LYPD6B: variants seen among roughly 807,000 people sequenced by gnomAD.
LYPD6B encodes the protein ly6/PLAUR domain-containing protein 6B.
LYPD6B carries 17 observed loss-of-function variants against 22.8 expected under a neutral mutation model. The ratio of observed to expected loss-of-function variants is 0.75; its 90% CI spans 0.51 to 1.12. The LOEUF is 1.12. Among genes scored for constraint, LYPD6B ranks in the 50% most tolerant of loss-of-function variants. LYPD6B has a pLI of 0.00. For missense variants in LYPD6B, 221 were observed against 258.3 expected, an observed-to-expected ratio of 0.86 and a Z score of 0.99; for synonymous variants, 106 against 91.6, an observed-to-expected ratio of 1.16 and a Z score of -0.90.
intron 1 of LYPD6B, among the ~76,000 whole-genome samples, chr2:149,040,662 T>C (rs1044540849): frequency 1.3e-5 from 2 of 152,144 alleles, no homozygotes; most frequent in African/African-American, 4.8e-5. Context: ...CTGCAAGGCA[T>C]GTCGGTAGGG....
intron 1 of LYPD6B, among the ~76,000 whole-genome samples, chr2:149,051,354 A>G (rs1683548568): frequency 6.6e-6 from 1 of 151,452 alleles, no homozygotes. Context: ...TTTAGTAGAG[A>G]TGGGGTTTCA....
intron 1 of LYPD6B, among the ~76,000 whole-genome samples, chr2:149,121,824 TC>T (rs1254102244): frequency 6.6e-6 from 1 of 152,102 alleles, no homozygotes; most frequent in Non-Finnish European, 1.5e-5. Flanking sequence ...AACCTCCTGT[TC>T]CTCTCTCCCT....
chr2:149,044,638 A>G (rs1371819360), intron 1 of LYPD6B, among the ~76,000 whole-genome samples: 1 of 152,006 alleles, frequency 6.6e-6, no homozygotes, highest in Non-Finnish European at 1.5e-5. Context: ...TTGCAGTACA[A>G]TGTTGAATAG....
At position 149,144,373 on chromosome 2, in the gene LYPD6B, G is replaced by GT. The variant is rs200461969; in HGVS notation, c.5+13428dup. Reference sequence around the variant, plus strand: ...ATCTGGCCCTTTAGATGAAAGACTAGTTTTTTTTGTTTGTTTTTGTTTGTT... The same window carrying GT: ...ATCTGGCCCTTTAGATGAAAGACTAGTTTTTTTTTGTTTGTTTTTGTTTGTT... On this transcript the variant is annotated intron_variant, in intron 2 of 6. Transcript: ENST00000409642. Among the ~76,000 whole-genome samples, 508 of 149,116 alleles carry GT rather than the reference G, an allele frequency of 3.4e-3. 1 individual carries two copies. Among genetic ancestry groups the GT allele is most frequent in the African/African-American group, 0.011 (446 of 41,304 alleles).
intron 1 of LYPD6B, among the ~76,000 whole-genome samples, chr2:149,121,647 C>T (rs1687365787): frequency 6.6e-6 from 1 of 152,164 alleles, no homozygotes; most frequent in Admixed American, 6.5e-5. Context: ...CATGAGGGCT[C>T]ATAGCCAGTC....
rs1219124031 is a variant in LYPD6B at position 149,041,554 on chromosome 2, C to T, written c.-67+2753C>T. On this transcript the variant is annotated intron_variant, in intron 1 of 6. Transcript: ENST00000409642. ...GGGCTCACCTACCTGAGCATCCATG[C>T]TCCATGTCTGAACACAATCAGAATT... Among the ~76,000 whole-genome samples the T allele has an allele frequency of 2.0e-5, 3 of 152,268 alleles. No homozygotes were observed. In the East Asian group the frequency reaches 5.8e-4, roughly 29 times the overall value.
chr2:149,114,080 C>T (rs1686887626), intron 1 of LYPD6B, among the ~76,000 whole-genome samples: 2 of 152,118 alleles, frequency 1.3e-5, no homozygotes. Context: ...GTGGACAGAA[C>T]TTCAAGGACT....
chr2:149,062,081 G>A lies in LYPD6B; in HGVS notation c.-67+23280G>A, dbSNP rs540289885. ...AGCTCACCACAAACTCCGCCTTCCC[G>A]GGTTCAAGCAATTCTCCTGCCTCAG... On this transcript the variant is annotated intron_variant, in intron 1 of 6. Transcript: ENST00000409642. 9.2e-5 allele frequency among the ~76,000 whole-genome samples: 14 copies of A among 151,790 alleles called. No individual in the cohort carries two copies. In the East Asian group the frequency reaches 1.2e-3, roughly 13 times the overall value.
intron 1 of LYPD6B, among the ~76,000 whole-genome samples, chr2:149,081,956 G>T (rs759245239): frequency 6.6e-6 from 1 of 152,118 alleles, no homozygotes; most frequent in Non-Finnish European, 1.5e-5. Flanking sequence ...AAGACTTCCT[G>T]TTTGAGTAAT....
At chr2:149,060,394 C>T (rs891230069) in intron 1 of LYPD6B, among the ~76,000 whole-genome samples, 1 of 152,166 alleles carries the variant, frequency 6.6e-6, no homozygotes, top group Non-Finnish European at 1.5e-5. Context: ...CCTCTCATAA[C>T]TACAGCACAT....
At chr2:149,041,977 C>G (rs572659081) in intron 1 of LYPD6B, among the ~76,000 whole-genome samples, 12 of 152,118 alleles carry the variant, frequency 7.9e-5, no homozygotes, top group Non-Finnish European at 1.8e-4. Flanking sequence ...AGTTTCAAAC[C>G]CTGTGTAGTT....
chr2:149,073,935 A>G (rs6743823), intron 1 of LYPD6B, among the ~76,000 whole-genome samples: 2,475 of 152,074 alleles, frequency 0.016, 62 homozygotes, highest in African/African-American at 0.057. Context: ...GAGAAGGAGG[A>G]CAGAAGTGAT....
intron 3 of LYPD6B, among the ~76,000 whole-genome samples, chr2:149,187,804 G>A (rs549762573): frequency 3.9e-5 from 6 of 152,340 alleles, no homozygotes; most frequent in East Asian, 3.9e-4. Flanking sequence ...GTGTTTGGCC[G>A]CATTCAAAGC....
intron 1 of LYPD6B, among the ~76,000 whole-genome samples, chr2:149,080,855 A>AG (rs1485296443): frequency 3.8e-5 from 5 of 132,892 alleles, no homozygotes; most frequent in Non-Finnish European, 6.7e-5. Context: ...AAAAAAAAAA[A>AG]AAAAAAAAAA....
chr2:149,157,331 A>T (rs1224929393), intron 2 of LYPD6B, among the ~76,000 whole-genome samples: 1 of 152,190 alleles, frequency 6.6e-6, no homozygotes, highest in African/African-American at 2.4e-5. Flanking sequence ...CTAAAAACAC[A>T]CAGGAGGAAC....
chr2:149,123,191 C>T (rs942957762), intron 1 of LYPD6B, among the ~76,000 whole-genome samples: 1 of 152,220 alleles, frequency 6.6e-6, no homozygotes, highest in Admixed American at 6.5e-5. Flanking sequence ...CAGTACCATA[C>T]AGCTCCTCAT....
At chr2:149,095,253 G>A (rs1050228414) in intron 1 of LYPD6B, among the ~76,000 whole-genome samples, 7 of 152,260 alleles carry the variant, frequency 4.6e-5, no homozygotes, top group African/African-American at 9.6e-5. Context: ...CTGAGATTGC[G>A]TCATTGCACT....
chr2:149,166,971 C>T (rs1690467451), intron 3 of LYPD6B, among the ~76,000 whole-genome samples: 1 of 152,116 alleles, frequency 6.6e-6, no homozygotes. Flanking sequence ...TTATTTTCCC[C>T]ATACCAGTGG....
At chr2:149,105,352 A>G (rs1686421271) in intron 1 of LYPD6B, among the ~76,000 whole-genome samples, 1 of 152,172 alleles carries the variant, frequency 6.6e-6, no homozygotes, top group African/African-American at 2.4e-5. Context: ...CAAAATAAAA[A>G]GCTCACTGGG....
Sources: allele counts gnomAD v4.1 joint callset (sites outside exome capture counted in the v4.1 genomes callset), GRCh38; gene constraint gnomAD v4.1.1; transcripts MANE v1.5; gene names NCBI Gene and HGNC (gene_info 2026-07-23, HGNC 2026-07-21).